Variants in ATF2 observed in about 807,000 individuals in gnomAD.
The protein encoded by ATF2 is activating transcription factor 2.
ATF2 carries 24 observed loss-of-function variants against 60.6 expected under a neutral mutation model. That is an observed-to-expected ratio of 0.40 (90% CI 0.29 to 0.56). The LOEUF is 0.56. ATF2 is among the 20% of genes least tolerant of loss of function. ATF2 has a pLI of 0.54. For synonymous variants in ATF2, 206 were observed against 215.4 expected, an observed-to-expected ratio of 0.96 and a Z score of 0.38; for missense variants, 433 against 607.7, an observed-to-expected ratio of 0.71 and a Z score of 3.02.
At chr2:175,082,908 A>C (rs1023492146) in intron 12 of ATF2, among the ~76,000 whole-genome samples, 11 of 152,352 alleles carry the variant, frequency 7.2e-5, no homozygotes, top group African/African-American at 2.6e-4. Flanking sequence ...TGCTTCAAAG[A>C]GAATAAAATA....
intron 4 of ATF2, among the ~76,000 whole-genome samples, chr2:175,128,093 C>T (rs1003192072): frequency 6.6e-6 from 1 of 152,172 alleles, no homozygotes; most frequent in Admixed American, 6.5e-5. Context: ...GAAACAGACC[C>T]ACACTTACAC....
chr2:175,167,632 G>A (rs150677267), intron 1 of ATF2: 346 of 494,046 alleles, frequency 7.0e-4, no homozygotes, highest in African/African-American at 6.1e-3. Flanking sequence ...CCAACCCAAG[G>A]ACTGTGGGTG....
chr2:175,151,356 G>A (rs1232308094), intron 1 of ATF2, among the ~76,000 whole-genome samples, 198 bp from the exon 2 acceptor site: 1 of 152,054 alleles, frequency 6.6e-6, no homozygotes, highest in Non-Finnish European at 1.5e-5. Flanking sequence ...CAATGCTCCA[G>A]GAAGATGTTT....
intron 2 of ATF2, among the ~76,000 whole-genome samples, chr2:175,148,805 CA>C (rs1335919572): frequency 1.3e-5 from 2 of 152,090 alleles, no homozygotes; most frequent in Admixed American, 6.6e-5. Flanking sequence ...AACCAACTGC[CA>C]ATCAGAAAAT....
intron 1 of ATF2, among the ~76,000 whole-genome samples, chr2:175,165,272 A>C (rs1457175314): frequency 6.6e-6 from 1 of 152,224 alleles, no homozygotes; most frequent in Non-Finnish European, 1.5e-5. Context: ...TCTGGTTTTC[A>C]TAAGGGAGAC....
intron 7 of ATF2, among the ~76,000 whole-genome samples, chr2:175,116,301 T>C (rs774469492): frequency 6.6e-6 from 1 of 151,920 alleles, no homozygotes; most frequent in Non-Finnish European, 1.5e-5. Flanking sequence ...GAGGATGAGA[T>C]TCAGGTCTGA....
intron 10 of ATF2, among the ~76,000 whole-genome samples, chr2:175,099,180 T>A (rs1695146624): frequency 2.0e-5 from 3 of 149,560 alleles, no homozygotes; most frequent in Non-Finnish European, 4.4e-5. Context: ...CTTAGCTCAC[T>A]GCAACCTTCA....
chr2:175,086,667 C>G lies in ATF2; in HGVS notation c.1186-5902G>C, dbSNP rs146498679. ...CAAGTGATCTACCTGCCTCAGCCTC[C>G]CAAAGTGCTGGAATTACAGGAGTGA... On this transcript the variant is annotated intron_variant, in intron 12 of 13. Transcript: ENST00000264110. Among the ~76,000 whole-genome samples the G allele has an allele frequency of 6.1e-3, 933 of 152,166 alleles. 8 individuals carry two copies. Among genetic ancestry groups the G allele is most frequent in the African/African-American group, 0.022 (896 of 41,524 alleles).
intron 1 of ATF2, among the ~76,000 whole-genome samples, chr2:175,162,671 C>G (rs1700096907): frequency 6.6e-6 from 1 of 151,988 alleles, no homozygotes; most frequent in Admixed American, 6.6e-5. Flanking sequence ...GGTTATACAA[C>G]ATGGAAAAAT....
Position 175,114,515 on chromosome 2 carries a change from TGTTA to T in ATF2, c.626+171_626+174del, listed in dbSNP as rs913994076. 1.1e-5 allele frequency: 14 copies of T among 1,319,572 alleles called. No homozygotes were observed. The African/African-American group carries it at 1.8e-4, about 17-fold the overall frequency. 81.7% of individuals were successfully genotyped at this position (1,319,572 alleles called of 1,614,324 possible). A position where few individuals can be genotyped will look rare whatever the true frequency, so the allele number is the denominator to read the frequency against. ...TTTTAGTTGTATTTATCTCCCACTC[TGTTA>T]GTTAATATTTATATTAAAGAAGACT... On this transcript the variant is annotated intron_variant, in intron 8 of 13. Transcript: ENST00000264110.
chr2:175,139,470 A>C (rs1270299028), intron 2 of ATF2, among the ~76,000 whole-genome samples: 1 of 151,942 alleles, frequency 6.6e-6, no homozygotes, highest in Non-Finnish European at 1.5e-5. Flanking sequence ...TCAGGAGTTC[A>C]AGACCAGCCT....
In ATF2 at chr2:175,074,683, C is replaced by A; in HGVS notation, c.1444G>T (p.Asp482Tyr). ...GAAAGAGCAGGCTCTGTACTCTGGT[C>A]CGCCATCTGGGTGAGGACTGAAGTG... ...VATSVLTQMA[D>Y]QSTEPALSQI... Residue 482 changes from aspartate to tyrosine, a missense_variant, in exon 14 of 14, where the codon GAC (aspartate) becomes TAC (tyrosine). Physicochemically the swap from Asp to Tyr is radical, Grantham distance 160. This residue lies in a region of ATF2 where 114 missense variants were observed against 104.0 expected (regional missense o/e 1.10). Transcript: ENST00000264110. The A allele has an allele frequency of 6.2e-7, 1 of 1,613,422 alleles. No homozygotes were observed. Among genetic ancestry groups the A allele is most frequent in the East Asian group, 2.2e-5 (1 of 44,842 alleles).
intron 1 of ATF2, 26 bp downstream of exon 1, chr2:175,168,024 G>A: frequency 3.6e-6 from 1 of 274,822 alleles, no homozygotes; most frequent in South Asian, 3.1e-5. Flanking sequence ...CTCCAGCCCT[G>A]CTGACCTCTG....
chr2:175,130,419 G>C (rs1649172459), intron 3 of ATF2, among the ~76,000 whole-genome samples: 1 of 152,008 alleles, frequency 6.6e-6, no homozygotes, highest in Non-Finnish European at 1.5e-5. Flanking sequence ...AAAAAGGTTA[G>C]GAACACTGCT....
chr2:175,101,262 T>A (rs1695292435), intron 10 of ATF2, among the ~76,000 whole-genome samples: 1 of 152,052 alleles, frequency 6.6e-6, no homozygotes, highest in South Asian at 2.1e-4. Flanking sequence ...TAGGAATACT[T>A]AGAAAAACGA....
chr2:175,080,533 C>A (rs770050079), intron 13 of ATF2, 127 bp downstream of exon 13: 5 of 697,566 alleles, frequency 7.2e-6, no homozygotes, highest in African/African-American at 1.8e-5. Flanking sequence ...AATAACCTTA[C>A]AGAAATTCTG....
chr2:175,167,734 G>A (rs1383838930), intron 1 of ATF2: 2 of 477,872 alleles, frequency 4.2e-6, no homozygotes, highest in Non-Finnish European at 8.7e-6. Flanking sequence ...TCGGAGGGAG[G>A]GGTCTAAGAG....
At chr2:175,094,904 C>T (rs1161106051) in intron 11 of ATF2, among the ~76,000 whole-genome samples, 2 of 152,176 alleles carry the variant, frequency 1.3e-5, no homozygotes, top group South Asian at 4.1e-4. Flanking sequence ...GATCGCACCA[C>T]TGTACTCCGC....
intron 1 of ATF2, among the ~76,000 whole-genome samples, chr2:175,161,935 AT>A (rs1700053125): frequency 2.0e-5 from 3 of 151,946 alleles, no homozygotes. Context: ...TAATTTTTGT[AT>A]TTTTAGTAGA....
Sources: gnomAD v4.1 joint callset for allele counts (sites outside exome capture counted in the v4.1 genomes callset) on GRCh38, gnomAD v4.1.1 for gene constraint, gnomAD v4.1.1 regional missense constraint, MANE v1.5 for transcripts, NCBI Gene and HGNC (gene_info 2026-07-23, HGNC 2026-07-21) for gene names.